Variants in SEMA6D observed in about 807,000 individuals in gnomAD.
SEMA6D encodes the protein semaphorin 6D, also known as semaphorin-6D.
Under a neutral mutation model 106.6 loss-of-function variants are expected in SEMA6D, and 35 were observed. That is an observed-to-expected ratio of 0.33 (90% CI 0.25 to 0.44). SEMA6D has a LOEUF of 0.44. SEMA6D is among the 20% of genes least tolerant of loss of function. The probability of loss-of-function intolerance (pLI) is 1.00; values close to 1 mark genes in which losing one functional copy is unlikely to be tolerated. For synonymous variants in SEMA6D, 499 were observed against 487.7 expected (o/e 1.02, Z -0.31); for missense variants, 1,185 against 1,345.9 (o/e 0.88, Z 1.87).
At chr15:47,333,576 G>A (rs776221133) in intron 1 of SEMA6D, among the ~76,000 whole-genome samples, 25 of 151,974 alleles carry the variant, frequency 1.6e-4, no homozygotes, top group Admixed American at 3.9e-4. Flanking sequence ...ACATGTAATG[G>A]GATATTGGGA....
At chr15:47,227,455 CTTTTCTTTCT>C (rs2031787525) in intron 1 of SEMA6D, among the ~76,000 whole-genome samples, 2 of 74,410 alleles carry the variant, frequency 2.7e-5, no homozygotes, top group Admixed American at 2.5e-4. Context: ...TCTTTTCTTT[CTTTTCTTTCT>C]TTTTCTTTCT....
intron 4 of SEMA6D, among the ~76,000 whole-genome samples, chr15:47,702,794 T>C (rs939861403): frequency 4.6e-5 from 7 of 152,076 alleles, no homozygotes; most frequent in Admixed American, 3.9e-4. Flanking sequence ...ATTCCAAATA[T>C]GACATTCTGG....
At chr15:47,188,067 T>C (rs1264895136) in intron 1 of SEMA6D, among the ~76,000 whole-genome samples, 2 of 152,184 alleles carry the variant, frequency 1.3e-5, no homozygotes, top group East Asian at 3.8e-4. Flanking sequence ...TTAATTCCAC[T>C]CACTTTTTTA....
intron 3 of SEMA6D, among the ~76,000 whole-genome samples, chr15:47,535,324 G>A (rs2045125101): frequency 6.6e-6 from 1 of 152,074 alleles, no homozygotes; most frequent in South Asian, 2.1e-4. Context: ...CCACAGATAA[G>A]AACATAAAGG....
chr15:47,471,735 A>G (rs1017669476), intron 3 of SEMA6D, among the ~76,000 whole-genome samples: 2 of 152,140 alleles, frequency 1.3e-5, no homozygotes, highest in Non-Finnish European at 2.9e-5. Context: ...ATTACAAGGT[A>G]GTCTGCTTTT....
At chr15:47,684,021 G>T (rs959902474) in intron 4 of SEMA6D, among the ~76,000 whole-genome samples, 1 of 152,154 alleles carries the variant, frequency 6.6e-6, no homozygotes, top group South Asian at 2.1e-4. Context: ...AATTGATATG[G>T]AGTCATCTTC....
At chr15:47,661,771 C>T (rs1184093996) in intron 4 of SEMA6D, among the ~76,000 whole-genome samples, 1 of 152,138 alleles carries the variant, frequency 6.6e-6, no homozygotes, top group African/African-American at 2.4e-5. Flanking sequence ...GTCAAAAGTG[C>T]GGGCAGGAGT....
chr15:47,400,727 T>C (rs2040372039), intron 1 of SEMA6D, among the ~76,000 whole-genome samples: 1 of 152,218 alleles, frequency 6.6e-6, no homozygotes, highest in South Asian at 2.1e-4. Flanking sequence ...ATCAAACAAC[T>C]AGCTGTTTCT....
At chr15:47,749,050 C>T (rs28629419) in intron 1 of SEMA6D, among the ~76,000 whole-genome samples, 7 of 148,288 alleles carry the variant, frequency 4.7e-5, no homozygotes, top group Non-Finnish European at 7.4e-5. Context: ...ATAGCAATAA[C>T]AATAATAATA....
chr15:47,510,649 A>G (rs1320246933), intron 3 of SEMA6D, among the ~76,000 whole-genome samples: 1 of 152,226 alleles, frequency 6.6e-6, no homozygotes, highest in African/African-American at 2.4e-5. Context: ...GACGGCCAGA[A>G]TGCACAGGTG....
intron 15 of SEMA6D, among the ~76,000 whole-genome samples, 155 bp downstream of exon 15, chr15:47,766,337 G>A (rs896028841): frequency 1.3e-5 from 2 of 151,960 alleles, no homozygotes; most frequent in South Asian, 2.1e-4. Context: ...TGACAAGGAA[G>A]GGAATAATAA....
At chr15:47,564,902 T>C (rs1237527972) in intron 3 of SEMA6D, among the ~76,000 whole-genome samples, 1 of 152,136 alleles carries the variant, frequency 6.6e-6, no homozygotes, top group African/African-American at 2.4e-5. Flanking sequence ...CAGCTTGACT[T>C]CAGAGGGACA....
chr15:47,653,994 C>A (rs1312151970), intron 4 of SEMA6D, among the ~76,000 whole-genome samples: 2 of 152,168 alleles, frequency 1.3e-5, no homozygotes, highest in South Asian at 2.1e-4. Context: ...TGGCGATAAT[C>A]CCTAGCCTTG....
chr15:47,354,566 C>CATAT (rs35438092), intron 1 of SEMA6D, among the ~76,000 whole-genome samples: 135 of 148,050 alleles, frequency 9.1e-4, no homozygotes, highest in African/African-American at 1.2e-3. Flanking sequence ...TGTATGTGTA[C>CATAT]ATATATATAT....
intron 17 of SEMA6D, among the ~76,000 whole-genome samples, 179 bp from the exon 18 acceptor site, chr15:47,768,402 G>A (rs1347787909): frequency 1.3e-5 from 2 of 151,914 alleles, no homozygotes; most frequent in African/African-American, 4.8e-5. Context: ...TTAATTTTTA[G>A]TTTTCATTCT....
intron 1 of SEMA6D, among the ~76,000 whole-genome samples, chr15:47,210,450 G>A (rs1357550705): frequency 1.3e-5 from 2 of 152,038 alleles, no homozygotes; most frequent in Non-Finnish European, 2.9e-5. Context: ...AACCAGAATT[G>A]CTCTATTTTT....
intron 3 of SEMA6D, among the ~76,000 whole-genome samples, chr15:47,574,979 T>C (rs1246035105): frequency 6.6e-6 from 1 of 152,194 alleles, no homozygotes; most frequent in Non-Finnish European, 1.5e-5. Flanking sequence ...AATCAAAGGA[T>C]TGTCAGCTTT....
At chr15:47,449,168 A>G (rs1596023836) in intron 2 of SEMA6D, among the ~76,000 whole-genome samples, 1 of 152,122 alleles carries the variant, frequency 6.6e-6, no homozygotes, top group East Asian at 1.9e-4. Flanking sequence ...TTATTGAGGC[A>G]TAAAGGAAAA....
chr15:47,452,129 T>C (rs2042212714), intron 2 of SEMA6D, among the ~76,000 whole-genome samples: 1 of 151,952 alleles, frequency 6.6e-6, no homozygotes, highest in Non-Finnish European at 1.5e-5. Context: ...CAGAACTTAA[T>C]TTTCGTCACT....
Sources: allele counts gnomAD v4.1 joint callset (sites outside exome capture counted in the v4.1 genomes callset), GRCh38; gene constraint gnomAD v4.1.1; transcripts MANE v1.5; gene names NCBI Gene and HGNC (gene_info 2026-07-23, HGNC 2026-07-21).